Variants in C11orf65 observed in about 807,000 individuals in gnomAD.
The protein encoded by C11orf65 is protein MFI.
Under a neutral mutation model 35.3 loss-of-function variants are expected in C11orf65, and 38 were observed. The ratio of observed to expected loss-of-function variants is 1.08; its 90% CI spans 0.83 to 1.41. C11orf65 has a LOEUF of 1.41. Among genes scored for constraint, C11orf65 ranks in the 40% most tolerant of loss-of-function variants. The pLI, the probability that C11orf65 is intolerant of heterozygous loss-of-function variation, is 0.00. For synonymous variants in C11orf65, 105 were observed against 114.4 expected (o/e 0.92, Z 0.53); for missense variants, 370 against 367.1 (o/e 1.01, Z -0.06).
intron 2 of C11orf65, among the ~76,000 whole-genome samples, chr11:108,449,584 G>T (rs573816455): frequency 0.013 from 1,903 of 151,854 alleles, 69 homozygotes; most frequent in African/African-American, 0.043. Context: ...GCTAGCCATA[G>T]GTAGAAAGCT....
intron 2 of C11orf65, among the ~76,000 whole-genome samples, chr11:108,339,736 T>TC (rs2087291516): frequency 6.6e-6 from 1 of 151,970 alleles, no homozygotes; most frequent in South Asian, 2.1e-4. Context: ...AGGGTTTGAT[T>TC]CCCCCTCCCC....
intron 2 of C11orf65, among the ~76,000 whole-genome samples, chr11:108,359,667 G>A (rs2090468799): frequency 6.6e-6 from 1 of 152,224 alleles, no homozygotes; most frequent in East Asian, 1.9e-4. Context: ...CAACTACATG[G>A]AAACCAAACA....
At chr11:108,418,299 T>C (rs2092769272) in intron 3 of C11orf65, among the ~76,000 whole-genome samples, 1 of 152,032 alleles carries the variant, frequency 6.6e-6, no homozygotes, top group South Asian at 2.1e-4. Context: ...AACTAAAAAA[T>C]ATATATTCTT....
At chr11:108,310,745 C>CA (rs2084084118) in intron 6 of C11orf65, among the ~76,000 whole-genome samples, 1 of 151,740 alleles carries the variant, frequency 6.6e-6, no homozygotes, top group East Asian at 1.9e-4. Flanking sequence ...AATTATAATC[C>CA]AAAATGGCTA....
chr11:108,373,018 T>G (rs2091613502), intron 2 of C11orf65, among the ~76,000 whole-genome samples: 1 of 152,004 alleles, frequency 6.6e-6, no homozygotes, highest in Non-Finnish European at 1.5e-5. Context: ...AGGCAGAGGT[T>G]GCAGTGGGCC....
chr11:108,392,555 G>T lies in C11orf65; in HGVS notation c.731+653C>A, dbSNP rs368300478. Among the ~76,000 whole-genome samples, 207 of 152,268 alleles carry T rather than the reference G, an allele frequency of 1.4e-3. 13 individuals carry two copies. The South Asian group carries it at 0.042, about 31-fold the overall frequency. ...AGTGGAGCTGCTGGATCACATGTCA[G>T]CTCTATGTTTAACCACTTGAGGAAC... On this transcript the variant is annotated intron_variant, in intron 7 of 8. Coordinates refer to ENST00000393084, the MANE Select transcript of C11orf65 (RefSeq NM_152587.5).
intron 2 of C11orf65, among the ~76,000 whole-genome samples, chr11:108,374,308 G>A (rs1025215113): frequency 6.6e-6 from 1 of 152,198 alleles, no homozygotes; most frequent in Non-Finnish European, 1.5e-5. Flanking sequence ...GGAACGATCA[G>A]ACAGCAGCAT....
At chr11:108,323,553 T>G (rs760942571) in intron 6 of C11orf65, among the ~76,000 whole-genome samples, 4 of 152,282 alleles carry the variant, frequency 2.6e-5, no homozygotes, top group Non-Finnish European at 5.9e-5. Flanking sequence ...AAAAGAAGAT[T>G]TGGAATGTTT....
At chr11:108,355,043 A>C in intron 2 of C11orf65, 1 of 629,094 alleles carries the variant, frequency 1.6e-6, no homozygotes, top group Non-Finnish European at 2.8e-6. Flanking sequence ...ACATCCAAAA[A>C]TACTGGTTTA....
chr11:108,350,020 T>G (rs1304269943), intron 2 of C11orf65, among the ~76,000 whole-genome samples: 1 of 152,104 alleles, frequency 6.6e-6, no homozygotes, highest in Admixed American at 6.6e-5. Flanking sequence ...GCATGCTCAT[T>G]TGCTAAGAAT....
In C11orf65 at chr11:108,365,879, A is replaced by G. The variant is rs3092835; in HGVS notation, c.226+27329T>C. On this transcript the variant is annotated intron_variant, in intron 2 of 3. Transcript: ENST00000524755. The stretch of plus-strand genomic sequence containing the variant: ...CCCTGTCTCTACTAAAAATACAAAA[A>G]TTAGCCGAGCATGGTGGCGGGCACC... 0.01 allele frequency: 2,225 copies of G among 214,320 alleles called. 50 individuals carry two copies. The highest frequency in any genetic ancestry group is 0.048 in the African/African-American group (2,070 of 42,998). 13.3% of individuals were successfully genotyped at this position (214,320 alleles called of 1,614,324 possible).
intron 2 of C11orf65, among the ~76,000 whole-genome samples, chr11:108,437,572 C>T (rs1349548726): frequency 2.6e-5 from 4 of 151,282 alleles, no homozygotes; most frequent in South Asian, 2.1e-4. Context: ...GGCATGGTGG[C>T]GCATGTCTGT....
chr11:108,437,773 T>C (rs1318548815), intron 2 of C11orf65, among the ~76,000 whole-genome samples: 1 of 135,940 alleles, frequency 7.4e-6, no homozygotes, highest in African/African-American at 2.7e-5. Flanking sequence ...CACCCCACAT[T>C]CACAGATTGG....
At chr11:108,333,620 G>T (rs2086515665) in intron 3 of C11orf65, among the ~76,000 whole-genome samples, 1 of 152,198 alleles carries the variant, frequency 6.6e-6, no homozygotes, top group African/African-American at 2.4e-5. Flanking sequence ...ATTATTTTAA[G>T]ATGTTTAGTC....
intron 2 of C11orf65, among the ~76,000 whole-genome samples, chr11:108,356,523 C>T (rs999768908): frequency 7.7e-6 from 1 of 130,448 alleles, no homozygotes; most frequent in Non-Finnish European, 1.6e-5. Flanking sequence ...GCGACAAGAG[C>T]AAGACTCTGT....
chr11:108,422,315 C>T (rs549481047), intron 3 of C11orf65, among the ~76,000 whole-genome samples: 119 of 152,306 alleles, frequency 7.8e-4, no homozygotes, highest in Non-Finnish European at 1.2e-3. Flanking sequence ...CTAATTCAAA[C>T]ATTTATGTGG....
rs768142321 is a variant in C11orf65 at position 108,461,552 on chromosome 11, C to T, written c.8G>A (p.Trp3Ter). 8.1e-6 allele frequency: 13 copies of T among 1,601,602 alleles called. No individual in the cohort carries two copies. In the East Asian group the frequency reaches 2.3e-4, roughly 28 times the overall value. Residue 3 changes from tryptophan (W) to a stop codon, truncating the protein, a stop_gained, in exon 2 of 9, where the codon TGG (tryptophan) becomes TAG (stop). Coordinates refer to ENST00000393084, the MANE Select transcript of C11orf65 (RefSeq NM_152587.5). LOFTEE classifies it high-confidence loss of function. ...CTTTGTAAATTCTGATTCCTCTTTC[C>T]AAGGCATTTGAAATTCCTAAAAGAA... The part of the protein sequence containing the change: MP[W>*]KEESEFTKQD...
At position 108,316,691 on chromosome 11, in the gene C11orf65, C is replaced by T. The variant is rs551843735; in HGVS notation, c.641-7620G>A. 2.7e-5 allele frequency among the ~76,000 whole-genome samples: 4 copies of T among 146,652 alleles called. No individual in the cohort carries two copies. In the East Asian group the frequency reaches 6.1e-4, roughly 22 times the overall value. The stretch of plus-strand genomic sequence containing the variant: ...TTGGGAGGCCGAGGCGAGCAGATCA[C>T]GAGGTCAGGAGGTCCAGACCATCCT... On this transcript the variant is annotated intron_variant, in intron 6 of 6. Transcript: ENST00000525729.
intron 6 of C11orf65, among the ~76,000 whole-genome samples, chr11:108,401,881 A>G (rs922174152): frequency 6.6e-6 from 1 of 152,194 alleles, no homozygotes; most frequent in Admixed American, 6.5e-5. Flanking sequence ...AGCTAACTTA[A>G]CAGACCATTA....
Sources: allele counts gnomAD v4.1 joint callset (sites outside exome capture counted in the v4.1 genomes callset), GRCh38; gene constraint gnomAD v4.1.1; transcripts MANE v1.5; gene names NCBI Gene and HGNC (gene_info 2026-07-23, HGNC 2026-07-21).